Variants in KCNQ5 observed in about 807,000 individuals in gnomAD.
The protein encoded by KCNQ5 is potassium voltage-gated channel subfamily KQT member 5.
KCNQ5 carries 30 observed loss-of-function variants against 98.2 expected under a neutral mutation model. The ratio of observed to expected loss-of-function variants is 0.31; its 90% CI spans 0.23 to 0.41. The LOEUF is 0.41. Ranked by LOEUF, KCNQ5 falls within the 10% of genes least tolerant of loss-of-function variation. KCNQ5 has a pLI of 1.00. For missense variants in KCNQ5, 835 were observed against 1,182.5 expected, an observed-to-expected ratio of 0.71 and a Z score of 4.31; for synonymous variants, 458 against 449.4, an observed-to-expected ratio of 1.02 and a Z score of -0.24.
In KCNQ5 at chr6:72,622,242, T is replaced by C; in HGVS notation, c.53T>C (p.Val18Ala). 1 of 1,252,176 alleles carries C rather than the reference T, an allele frequency of 8.0e-7. No homozygotes were observed. Among genetic ancestry groups the C allele is most frequent in the Non-Finnish European group, 1.0e-6 (1 of 1,001,740 alleles). The allele number at this position is 1,252,176 out of a possible 1,614,324, so 77.6% of individuals were successfully genotyped here. A position where few individuals can be genotyped will look rare whatever the true frequency, so the allele number is the denominator to read the frequency against. ...GAGGGCGGCGCCGCCGGGCTCTGGG[T>C]GAAGAGCGGCGCAGCGGCGGCGGCG... ...GEEGGAAGLWVKSGAAAAAAG... is the reference protein window; with the variant it reads ...GEEGGAAGLWAKSGAAAAAAG... The change falls in exon 1 of 14, where the codon GTG (valine) becomes GCG (alanine). Residue 18 changes from valine to alanine, a missense_variant. By Grantham distance (64) the Val-to-Ala change is moderately conservative. This residue lies in a region of KCNQ5 where 80 missense variants were observed against 72.3 expected (regional missense o/e 1.11). Coordinates refer to ENST00000370398, the MANE Select transcript of KCNQ5 (RefSeq NM_019842.4). This position sits in a 1 kb window ranked among gnomAD's most constrained non-coding sequence, Gnocchi z 6.0.
intron 3 of KCNQ5, among the ~76,000 whole-genome samples, chr6:73,043,585 CACA>C (rs1271635477): frequency 6.6e-6 from 1 of 152,198 alleles, no homozygotes; most frequent in Non-Finnish European, 1.5e-5. Flanking sequence ...GAAACTACTG[CACA>C]ACAAGTACTT....
chr6:72,923,481 A>T (rs1265705114), intron 1 of KCNQ5, among the ~76,000 whole-genome samples: 6 of 152,248 alleles, frequency 3.9e-5, no homozygotes, highest in Non-Finnish European at 8.8e-5. Flanking sequence ...TTCCCTGATG[A>T]TTAGTGATGC....
chr6:73,013,099 A>G (rs188779772), intron 2 of KCNQ5, among the ~76,000 whole-genome samples: 20 of 152,202 alleles, frequency 1.3e-4, no homozygotes, highest in African/African-American at 4.6e-4. Context: ...ATAATAGAAA[A>G]CAAGTATCTG....
chr6:72,646,074 C>T (rs1170712928), intron 1 of KCNQ5, among the ~76,000 whole-genome samples: 1 of 152,088 alleles, frequency 6.6e-6, no homozygotes, highest in Non-Finnish European at 1.5e-5. Context: ...AGATGGAATA[C>T]ATTCATATTA....
chr6:72,852,762 A>G (rs1410050856), intron 1 of KCNQ5, among the ~76,000 whole-genome samples: 1 of 150,102 alleles, frequency 6.7e-6, no homozygotes, highest in East Asian at 1.9e-4. Context: ...GCCCATTTTT[A>G]AACACACACG....
intron 4 of KCNQ5, 91 bp downstream of exon 4, chr6:73,077,588 T>A: frequency 7.1e-7 from 1 of 1,410,438 alleles, no homozygotes; most frequent in Non-Finnish European, 9.5e-7. Flanking sequence ...CAAGAAAACT[T>A]AGTCATTGCA....
At chr6:72,930,921 C>T (rs1032577388) in intron 1 of KCNQ5, among the ~76,000 whole-genome samples, 1 of 152,084 alleles carries the variant, frequency 6.6e-6, no homozygotes, top group Middle Eastern at 3.2e-3. Context: ...CATGTAATTC[C>T]TATTTTAATC....
At chr6:73,092,625 T>A (rs1324555567) in intron 5 of KCNQ5, among the ~76,000 whole-genome samples, 2 of 152,196 alleles carry the variant, frequency 1.3e-5, no homozygotes, top group African/African-American at 4.8e-5. Context: ...GATAAAGGAA[T>A]GCTAGATTTT....
intron 1 of KCNQ5, among the ~76,000 whole-genome samples, chr6:72,795,166 G>T (rs1247580182): frequency 6.6e-6 from 1 of 152,112 alleles, no homozygotes; most frequent in Admixed American, 6.5e-5. Context: ...ATTAAAAAAA[G>T]GGGGGAGTGC....
intron 1 of KCNQ5, among the ~76,000 whole-genome samples, chr6:72,791,129 G>C (rs529264588): frequency 1.3e-5 from 2 of 152,278 alleles, no homozygotes; most frequent in South Asian, 4.1e-4. Context: ...GAGGCCTCTC[G>C]GGAGAAGCAG....
intron 1 of KCNQ5, among the ~76,000 whole-genome samples, chr6:72,719,609 G>T (rs147357488): frequency 5.0e-4 from 76 of 152,262 alleles, no homozygotes; most frequent in African/African-American, 1.7e-3. Context: ...TAATTTTGGG[G>T]CCTCTTGCTT....
intron 1 of KCNQ5, among the ~76,000 whole-genome samples, chr6:72,838,949 C>CAAAAAAAAAAAAAA (rs67894922): frequency 1.7e-5 from 1 of 58,720 alleles, no homozygotes; most frequent in Non-Finnish European, 3.2e-5. Flanking sequence ...GACTCCGTCT[C>CAAAAAAAAAAAAAA]AAAAAAAAAA....
In KCNQ5 at chr6:73,077,296, T is replaced by C. The variant is rs775388397; in HGVS notation, c.617-26T>C. On this transcript the variant is annotated intron_variant, in intron 3 of 13. Transcript: ENST00000370398. Reference sequence around the variant, plus strand: ...TAAAAATTCCTGGTCGTGCTAACTGTGGCTATTTCGACCTGTTTCTTTCAG... The same window carrying C: ...TAAAAATTCCTGGTCGTGCTAACTGCGGCTATTTCGACCTGTTTCTTTCAG... 9 of 1,606,074 alleles carry C rather than the reference T, an allele frequency of 5.6e-6. No homozygotes were observed. The South Asian group carries it at 1.0e-4, about 18-fold the overall frequency.
chr6:73,142,748 T>C (rs941250983), intron 10 of KCNQ5, among the ~76,000 whole-genome samples: 3 of 151,962 alleles, frequency 2.0e-5, no homozygotes, highest in Non-Finnish European at 4.4e-5. Flanking sequence ...AAACCCTGTC[T>C]CTACTAAAAA....
intron 10 of KCNQ5, chr6:73,157,828 T>A (rs1777428787): frequency 1.3e-6 from 1 of 779,550 alleles, no homozygotes; most frequent in Admixed American, 1.7e-5. Flanking sequence ...GGTGTTGGCT[T>A]TGGCAAACTC....
chr6:72,805,601 G>A (rs1260868093), intron 1 of KCNQ5, among the ~76,000 whole-genome samples: 1 of 152,074 alleles, frequency 6.6e-6, no homozygotes, highest in Non-Finnish European at 1.5e-5. Context: ...GCCAGCTAAT[G>A]TGATTCCTCC....
At chr6:72,894,551 T>G (rs1302495172) in intron 1 of KCNQ5, among the ~76,000 whole-genome samples, 1 of 152,198 alleles carries the variant, frequency 6.6e-6, no homozygotes, top group Non-Finnish European at 1.5e-5. Flanking sequence ...GATCAAATAC[T>G]AAGAGGTGAA....
At chr6:72,892,228 G>A (rs915403605) in intron 1 of KCNQ5, among the ~76,000 whole-genome samples, 1 of 152,102 alleles carries the variant, frequency 6.6e-6, no homozygotes, top group Non-Finnish European at 1.5e-5. Flanking sequence ...CTTCAGGAAG[G>A]TAAGAACTCA....
intron 1 of KCNQ5, among the ~76,000 whole-genome samples, chr6:72,727,676 G>T (rs1226252856): frequency 6.6e-6 from 1 of 152,098 alleles, no homozygotes; most frequent in Non-Finnish European, 1.5e-5. Flanking sequence ...CAATAATACT[G>T]CATAATATAT....
Sources: gnomAD v4.1 joint callset for allele counts (sites outside exome capture counted in the v4.1 genomes callset) on GRCh38, gnomAD v4.1.1 for gene constraint, gnomAD v4.1.1 regional missense constraint, Gnocchi (gnomAD v3.1) non-coding constraint, MANE v1.5 for transcripts, NCBI Gene and HGNC (gene_info 2026-07-23, HGNC 2026-07-21) for gene names.